Variants in HCN1 observed in about 807,000 individuals in gnomAD.
The protein encoded by HCN1 is hyperpolarization activated cyclic nucleotide gated potassium channel 1, also known as potassium/sodium hyperpolarization-activated cyclic nucleotide-gated channel 1.
In HCN1, 13 loss-of-function variants were observed where a neutral mutation model predicts 78.9. That is an observed-to-expected ratio of 0.16 (90% CI 0.11 to 0.26). The LOEUF (loss-of-function observed/expected upper bound fraction) is 0.26. HCN1 is among the 10% of genes least tolerant of loss of function. The pLI, the probability that HCN1 is intolerant of heterozygous loss-of-function variation, is 1.00. For missense variants in HCN1, 810 were observed against 1,154.3 expected (o/e 0.70, Z 4.32); for synonymous variants, 552 against 455.5 (o/e 1.21, Z -2.70).
intron 2 of HCN1, among the ~76,000 whole-genome samples, chr5:45,536,989 G>A (rs943619488): frequency 5.3e-5 from 8 of 152,296 alleles, no homozygotes; most frequent in African/African-American, 1.9e-4. Flanking sequence ...TAGGTCAGAT[G>A]AAGTTTTAGG....
chr5:45,645,053 A>C (rs1745522795), intron 2 of HCN1, 132 bp downstream of exon 2: 1 of 662,382 alleles, frequency 1.5e-6, no homozygotes, highest in Non-Finnish European at 2.6e-6. Flanking sequence ...ATGCATGGAA[A>C]AGAGTCGTCG....
At chr5:45,670,199 A>G (rs1336462485) in intron 1 of HCN1, among the ~76,000 whole-genome samples, 1 of 151,682 alleles carries the variant, frequency 6.6e-6, no homozygotes, top group African/African-American at 2.4e-5. Context: ...AAAGAAGGAA[A>G]GGCAAATTTA....
chr5:45,330,526 G>GTA (rs1225259221), intron 5 of HCN1, among the ~76,000 whole-genome samples: 4 of 150,366 alleles, frequency 2.7e-5, no homozygotes, highest in South Asian at 2.1e-4. Flanking sequence ...ATGTATATGT[G>GTA]TATATATATG....
Position 45,261,943 on chromosome 5 carries a change from G to A in HCN1, c.2651C>T (p.Pro884Leu). The A allele has an allele frequency of 6.2e-7, 1 of 1,614,086 alleles. No homozygotes were observed. Among genetic ancestry groups the A allele is most frequent in the Non-Finnish European group, 8.5e-7 (1 of 1,180,016 alleles). The change falls in exon 8 of 8, where the codon CCA (proline) becomes CTA (leucine). Residue 884 changes from proline (P) to leucine (L), a missense_variant. This residue lies in a region of HCN1 where 398 missense variants were observed against 381.3 expected (regional missense o/e 1.04). Transcript: ENST00000303230. ...VLNTDPDAEK[P>L]RFASNL ...GGATCATAAATTTGAAGCAAATCGT[G>A]GCTTTTCTGCGTCTGGGTCTGTGTT... is the stretch of plus-strand genomic sequence containing the variant.
intron 4 of HCN1, among the ~76,000 whole-genome samples, chr5:45,372,441 A>G (rs1747420160): frequency 8.1e-6 from 1 of 123,244 alleles, no homozygotes; most frequent in African/African-American, 3.1e-5. Flanking sequence ...ATATACTTAT[A>G]TATAAAAATA....
rs570546473 is a variant in HCN1 at position 45,631,472 on chromosome 5, A to G, written c.849+13713T>C. ...TGACAAGAAGCAGGACCGCTAGCCC[A>G]CCTATGATGGTTATGTAGTGGGAGT... On this transcript the variant is annotated intron_variant, in intron 2 of 7. Coordinates refer to ENST00000303230, the MANE Select transcript of HCN1 (RefSeq NM_021072.4). Among the ~76,000 whole-genome samples the G allele has an allele frequency of 2.6e-5, 4 of 152,300 alleles. No homozygotes were observed. The East Asian group carries it at 7.7e-4, about 29-fold the overall frequency.
intron 6 of HCN1, among the ~76,000 whole-genome samples, chr5:45,301,330 T>TTTAGAATTTGTATACTAAAAATGTAA (rs573299451): frequency 2.0e-5 from 3 of 151,300 alleles, no homozygotes; most frequent in South Asian, 4.2e-4. Context: ...AAAAAATGTA[T>TTTAGAATTTGTATACTAAAAATGTAA]TTAGAATATG....
chr5:45,563,391 C>T (rs572364088), intron 2 of HCN1, among the ~76,000 whole-genome samples: 36 of 152,036 alleles, frequency 2.4e-4, no homozygotes, highest in African/African-American at 8.7e-4. Context: ...GCGGGGGTTG[C>T]AGTGAGCCAA....
chr5:45,502,965 A>G (rs1248317222), intron 2 of HCN1, among the ~76,000 whole-genome samples: 1 of 152,222 alleles, frequency 6.6e-6, no homozygotes, highest in Non-Finnish European at 1.5e-5. Flanking sequence ...AAACAACACT[A>G]TGTTGGTATA....
intron 3 of HCN1, among the ~76,000 whole-genome samples, chr5:45,425,303 G>T (rs571400118): frequency 1.3e-5 from 2 of 152,216 alleles, no homozygotes; most frequent in South Asian, 2.1e-4. Context: ...CATCTGTGTG[G>T]CATTTCACTT....
At chr5:45,275,764 G>A (rs1360432411) in intron 6 of HCN1, among the ~76,000 whole-genome samples, 1 of 151,978 alleles carries the variant, frequency 6.6e-6, no homozygotes, top group Non-Finnish European at 1.5e-5. Flanking sequence ...CAGATTAAAG[G>A]GGTTCTGTTT....
chr5:45,421,357 C>T (rs796424308), intron 3 of HCN1, among the ~76,000 whole-genome samples: 9 of 152,218 alleles, frequency 5.9e-5, no homozygotes, highest in East Asian at 5.8e-4. Context: ...CCACCACGCC[C>T]GGCCAGCAGC....
chr5:45,515,928 A>C (rs1486170389), intron 2 of HCN1, among the ~76,000 whole-genome samples: 1 of 152,150 alleles, frequency 6.6e-6, no homozygotes, highest in Non-Finnish European at 1.5e-5. Flanking sequence ...CTTTCTTTTC[A>C]GGAAAAAATA....
chr5:45,545,366 G>A (rs973504309), intron 2 of HCN1, among the ~76,000 whole-genome samples: 4 of 152,150 alleles, frequency 2.6e-5, no homozygotes, highest in Non-Finnish European at 5.9e-5. Flanking sequence ...CAGATGGGTA[G>A]ATTGTAAAAA....
In HCN1 at chr5:45,450,895, C is replaced by G. The variant is rs562920399; in HGVS notation, c.1011+10951G>C. On this transcript the variant is annotated intron_variant, in intron 3 of 7. Transcript: ENST00000303230. The stretch of plus-strand genomic sequence containing the variant: ...CCACCTAGTGACAATGGTGAATGGT[C>G]TCAATGGCAAAAAACAGCCTGGAGG... Among the ~76,000 whole-genome samples, 11 of 152,182 alleles carry G rather than the reference C, an allele frequency of 7.2e-5. No individual in the cohort carries two copies. The East Asian group carries it at 1.9e-3, about 27-fold the overall frequency.
At chr5:45,465,381 G>A (rs972289531) in intron 2 of HCN1, among the ~76,000 whole-genome samples, 1 of 152,084 alleles carries the variant, frequency 6.6e-6, no homozygotes, top group Non-Finnish European at 1.5e-5. Context: ...AGAAAGAAAG[G>A]CTCTCTTCCC....
intron 6 of HCN1, among the ~76,000 whole-genome samples, chr5:45,281,143 GCT>G (rs1745155182): frequency 6.6e-6 from 1 of 152,062 alleles, no homozygotes; most frequent in South Asian, 2.1e-4. Context: ...ATATGGTTTG[GCT>G]CTGTGTCCCC....
At chr5:45,436,993 C>A (rs759718361) in intron 3 of HCN1, among the ~76,000 whole-genome samples, 3 of 152,146 alleles carry the variant, frequency 2.0e-5, no homozygotes, top group Non-Finnish European at 2.9e-5. Context: ...ATGCCCTGCA[C>A]AATACTCCCT....
chr5:45,326,020 C>T (rs191684075), intron 5 of HCN1, among the ~76,000 whole-genome samples: 3 of 151,394 alleles, frequency 2.0e-5, no homozygotes, highest in Admixed American at 1.3e-4. Context: ...ACATAAGATG[C>T]CTTAATTTAA....
Sources: allele counts gnomAD v4.1 joint callset (sites outside exome capture counted in the v4.1 genomes callset), GRCh38; gene constraint gnomAD v4.1.1; regional missense constraint gnomAD v4.1.1; transcripts MANE v1.5; gene names NCBI Gene and HGNC (gene_info 2026-07-23, HGNC 2026-07-21).